Variants in FSTL3 observed in about 807,000 individuals in gnomAD.
FSTL3 encodes the protein follistatin-related protein 3.
FSTL3 carries 21 observed loss-of-function variants against 28.1 expected under a neutral mutation model. The ratio of observed to expected loss-of-function variants is 0.75; its 90% CI spans 0.53 to 1.08. FSTL3 has a LOEUF of 1.08. Ranked by LOEUF, FSTL3 falls within the 50% of genes least tolerant of loss-of-function variation. The pLI, the probability that FSTL3 is intolerant of heterozygous loss-of-function variation, is 0.00. For missense variants in FSTL3, 400 were observed against 380.9 expected (o/e 1.05, Z -0.42); for synonymous variants, 199 against 164.2 (o/e 1.21, Z -1.62).
intron 3 of FSTL3, chr19:681,008 T>G: frequency 2.8e-6 from 1 of 354,996 alleles, no homozygotes; most frequent in South Asian, 3.6e-5. Flanking sequence ...TGGGGCGTGG[T>G]TCCTGGGTGG....
At chr19:679,743 T>C (rs2031284506) in intron 2 of FSTL3, among the ~76,000 whole-genome samples, 1 of 152,032 alleles carries the variant, frequency 6.6e-6, no homozygotes, top group Non-Finnish European at 1.5e-5. Flanking sequence ...CCTAGGGCTG[T>C]GGGGGGCCCC....
rs779318728 is a variant in FSTL3 at position 677,895 on chromosome 19, C to T, written c.207C>T (p.Thr69=). 13 of 1,613,454 alleles carry T rather than the reference C, an allele frequency of 8.1e-6. No individual in the cohort carries two copies. Among genetic ancestry groups the T allele is most frequent in the East Asian group, 2.2e-5 (1 of 44,894 alleles). Residue 69 remains threonine, a synonymous_variant, in exon 2 of 5, where the codon ACC becomes ACT. Coordinates refer to ENST00000166139, the MANE Select transcript of FSTL3 (RefSeq NM_005860.3). Reference sequence around the variant, plus strand: ...GCTGTGCCTCCGGCAACATTGACACCGCCTGGTCCAACCTCACCCACCCGG... The same window carrying T: ...GCTGTGCCTCCGGCAACATTGACACTGCCTGGTCCAACCTCACCCACCCGG... ...AECCASGNID[T]AWSNLTHPGN...
chr19:677,703 A>G lies in FSTL3; in HGVS notation c.104-89A>G, dbSNP rs1450651459. On this transcript the variant is annotated intron_variant, in intron 1 of 4. Coordinates refer to ENST00000166139, the MANE Select transcript of FSTL3 (RefSeq NM_005860.3). The stretch of plus-strand genomic sequence containing the variant: ...GGGGTAGATCATTCCGTGCGTAACT[A>G]CTCAGCACCACCTGCATGCATCTGT... 5 of 1,272,706 alleles carry G rather than the reference A, an allele frequency of 3.9e-6. No individual in the cohort carries two copies. The Admixed American group carries it at 6.8e-5, about 17-fold the overall frequency. The allele number at this position is 1,272,706 out of a possible 1,614,324, so 78.8% of individuals were successfully genotyped here.
intron 2 of FSTL3, 56 bp downstream of exon 2, chr19:678,033 C>G: frequency 6.5e-7 from 1 of 1,537,372 alleles, no homozygotes; most frequent in Non-Finnish European, 8.9e-7. Flanking sequence ...CAGCCACAAA[C>G]AGTCATGGTG....
rs2031211020 is a variant in FSTL3 at position 676,481 on chromosome 19, G to A, written c.58G>A (p.Ala20Thr). The A allele has an allele frequency of 3.3e-6, 4 of 1,201,052 alleles. 1 individual carries two copies. Among genetic ancestry groups the A allele is most frequent in the Non-Finnish European group, 2.1e-6 (2 of 966,304 alleles). 74.4% of individuals were successfully genotyped at this position (1,201,052 alleles called of 1,614,324 possible). Residue 20 changes from alanine to threonine, a missense_variant, in exon 1 of 5, where the codon GCC becomes ACC. Coordinates refer to ENST00000166139, the MANE Select transcript of FSTL3 (RefSeq NM_005860.3). ...TCTGCCCTGGGGGGCCCTGGCTTGGGCCGTGGGCTTCGTGAGCTCCATGGG... is the reference window on the plus strand; with the variant it reads ...TCTGCCCTGGGGGGCCCTGGCTTGGACCGTGGGCTTCGTGAGCTCCATGGG... Reference protein sequence around the residue: ...WPLPWGALAWAVGFVSSMGSG... With the variant: ...WPLPWGALAWTVGFVSSMGSG...
At chr19:676,669 TGAA>T (rs2031217838) in intron 1 of FSTL3, 143 bp downstream of exon 1, 1 of 295,436 alleles carries the variant, frequency 3.4e-6, no homozygotes, top group Admixed American at 5.2e-5. Flanking sequence ...CGGGAAGGTC[TGAA>T]GGAGGGTCAC....
At chr19:676,992 C>T (rs2031226281) in intron 1 of FSTL3, among the ~76,000 whole-genome samples, 1 of 152,090 alleles carries the variant, frequency 6.6e-6, no homozygotes, top group Non-Finnish European at 1.5e-5. Context: ...CATGGAGTCT[C>T]ACACCTGGGA....
At chr19:677,600 G>A (rs960315806) in intron 1 of FSTL3, among the ~76,000 whole-genome samples, 192 bp from the exon 2 acceptor site, 1 of 152,020 alleles carries the variant, frequency 6.6e-6, no homozygotes, top group East Asian at 1.9e-4. Context: ...GTGGAGCTCA[G>A]AGGGGAGGAG....
Position 681,785 on chromosome 19 carries a change from A to C in FSTL3, c.*77A>C. On this transcript the variant is annotated 3_prime_UTR_variant, in exon 5 of 5. Transcript: ENST00000166139. Reference sequence around the variant, plus strand: ...TTATTTATTGCCACAGCAGAGTCTAATTTATATGCCACGGACACTCCTTAG... The same window carrying C: ...TTATTTATTGCCACAGCAGAGTCTACTTTATATGCCACGGACACTCCTTAG... 8.0e-7 allele frequency: 1 copy of C among 1,252,648 alleles called. No homozygotes were observed. Among genetic ancestry groups the C allele is most frequent in the East Asian group, 2.5e-5 (1 of 39,496 alleles). The allele number at this position is 1,252,648 out of a possible 1,614,324, so 77.6% of individuals were successfully genotyped here. A position where few individuals can be genotyped will look rare whatever the true frequency, so the allele number is the denominator to read the frequency against.
Position 677,860 on chromosome 19 carries a change from C to G in FSTL3, c.172C>G (p.Arg58Gly). The change falls in exon 2 of 5, where the codon CGG becomes GGG. Residue 58 changes from arginine (R) to glycine (G), a missense_variant. Physicochemically the swap from Arg to Gly is moderately radical, Grantham distance 125. Coordinates refer to ENST00000166139, the MANE Select transcript of FSTL3 (RefSeq NM_005860.3). ...CCTGGTGCTCCAGACTGATGTCACC[C>G]GGGCCGAGTGCTGTGCCTCCGGCAA... ...CSLVLQTDVT[R>G]AECCASGNID... 1 of 1,613,156 alleles carries G rather than the reference C, an allele frequency of 6.2e-7. No homozygotes were observed. Among genetic ancestry groups the G allele is most frequent in the East Asian group, 2.2e-5 (1 of 44,888 alleles).
Position 680,392 on chromosome 19 carries a change from C to A in FSTL3, c.408C>A (p.Gly136=). ...SGLPARLQVC[G]SDGATYRDEC... ...TCCCGGCGCGGCTGCAGGTCTGCGG[C>A]TCAGACGGCGCCACCTACCGCGACG... The change falls in exon 3 of 5, where the codon GGC becomes GGA. Residue 136 remains glycine, a synonymous_variant. Coordinates refer to ENST00000166139, the MANE Select transcript of FSTL3 (RefSeq NM_005860.3). 1 of 1,278,618 alleles carries A rather than the reference C, an allele frequency of 7.8e-7. No individual in the cohort carries two copies. 79.2% of individuals were successfully genotyped at this position (1,278,618 alleles called of 1,614,324 possible).
chr19:680,791 A>G (rs902494767), intron 3 of FSTL3: 2 of 298,254 alleles, frequency 6.7e-6, no homozygotes, highest in African/African-American at 2.2e-5. Flanking sequence ...GCGTCTTTAT[A>G]CTTCCGAGGG....
Position 677,978 on chromosome 19 carries a change from GT to G in FSTL3, c.289+2del. Reference sequence around the variant, plus strand: ...CTTGTCCACTGCCTTCCCTGCAAAGGTGAGACCTCAGGCCAGAAGCAGGGCA... The same window carrying G: ...CTTGTCCACTGCCTTCCCTGCAAAGGGAGACCTCAGGCCAGAAGCAGGGCA... On this transcript the variant is annotated splice_donor_variant, in intron 2 of 4. Coordinates refer to ENST00000166139, the MANE Select transcript of FSTL3 (RefSeq NM_005860.3). LOFTEE classifies it high-confidence loss of function. 6.2e-7 allele frequency: 1 copy of G among 1,612,448 alleles called. No individual in the cohort carries two copies. Among genetic ancestry groups the G allele is most frequent in the Non-Finnish European group, 8.5e-7 (1 of 1,179,578 alleles).
In FSTL3 at chr19:682,497, A is replaced by G; in HGVS notation, c.*789A>G. The G allele has an allele frequency of 4.3e-6, 1 of 233,878 alleles. No individual in the cohort carries two copies. Among genetic ancestry groups the G allele is most frequent in the Non-Finnish European group, 8.4e-6 (1 of 118,450 alleles). The allele number at this position is 233,878 out of a possible 1,614,324, so 14.5% of individuals were successfully genotyped here. A position where few individuals can be genotyped will look rare whatever the true frequency, so the allele number is the denominator to read the frequency against. On this transcript the variant is annotated 3_prime_UTR_variant, in exon 5 of 5. Coordinates refer to ENST00000166139, the MANE Select transcript of FSTL3 (RefSeq NM_005860.3). Reference sequence around the variant, plus strand: ...GCCCAGCAAGCCAGGCCCTTCATGAAGGCCAAGAAGGCTGCCACCATTCCC... The same window carrying G: ...GCCCAGCAAGCCAGGCCCTTCATGAGGGCCAAGAAGGCTGCCACCATTCCC...
rs368764119 is a variant in FSTL3 at position 681,583 on chromosome 19, C to G, written c.733+23C>G. On this transcript the variant is annotated intron_variant, in intron 4 of 4. Coordinates refer to ENST00000166139, the MANE Select transcript of FSTL3 (RefSeq NM_005860.3). ...CAGGTGCAGACGCAGGGCGGGGGCA[C>G]AGGCCTGTCCTGGGGGCCGGAGAAC... The G allele has an allele frequency of 1.5e-5, 24 of 1,598,988 alleles. No individual in the cohort carries two copies. In the African/African-American group the frequency reaches 2.9e-4, roughly 20 times the overall value.
chr19:677,149 G>A (rs115883910), intron 1 of FSTL3, among the ~76,000 whole-genome samples: 4,055 of 152,264 alleles, frequency 0.027, 179 homozygotes, highest in African/African-American at 0.091. Context: ...GGCTGTGGCC[G>A]TTCCTGCCCC....
In FSTL3 at chr19:677,793, T is replaced by C; in HGVS notation, c.105T>C (p.Gly35=). ...AGCACCCCGTTCCCCGGCCCGCAGGTGGTGTTTGCTGGCTCCAGCAGGGCC... is the reference window on the plus strand; with the variant it reads ...AGCACCCCGTTCCCCGGCCCGCAGGCGGTGTTTGCTGGCTCCAGCAGGGCC... The part of the protein sequence containing the change: ...SSMGSGNPAP[G]GVCWLQQGQE... The change falls in exon 2 of 5, where the codon GGT becomes GGC. Residue 35 remains glycine, a splice_region_variant and synonymous_variant. Coordinates refer to ENST00000166139, the MANE Select transcript of FSTL3 (RefSeq NM_005860.3). 1 of 1,607,502 alleles carries C rather than the reference T, an allele frequency of 6.2e-7. No individual in the cohort carries two copies.
intron 2 of FSTL3, among the ~76,000 whole-genome samples, chr19:678,511 T>G (rs1405810512): frequency 1.6e-5 from 2 of 122,868 alleles, no homozygotes; most frequent in African/African-American, 3.4e-5. Flanking sequence ...TTTTTTTTTT[T>G]TTTTTTTTTT....
In FSTL3 at chr19:683,205, C is replaced by T. The variant is rs539516218; in HGVS notation, c.*1497C>T. 2.1e-5 allele frequency: 5 copies of T among 232,704 alleles called. No homozygotes were observed. Among genetic ancestry groups the T allele is most frequent in the South Asian group, 1.8e-4 (1 of 5,532 alleles). The allele number at this position is 232,704 out of a possible 1,614,324, so 14.4% of individuals were successfully genotyped here. A position where few individuals can be genotyped will look rare whatever the true frequency, so the allele number is the denominator to read the frequency against. Reference sequence around the variant, plus strand: ...CAACACGGAGGATATCCAGCTTCCCCGGTCTGGGGTGAGGAATGTGGGGAG... The same window carrying T: ...CAACACGGAGGATATCCAGCTTCCCTGGTCTGGGGTGAGGAATGTGGGGAG... On this transcript the variant is annotated 3_prime_UTR_variant, in exon 5 of 5. Transcript: ENST00000166139.
Sources: allele counts gnomAD v4.1 joint callset (sites outside exome capture counted in the v4.1 genomes callset), GRCh38; gene constraint gnomAD v4.1.1; transcripts MANE v1.5; gene names NCBI Gene and HGNC (gene_info 2026-07-23, HGNC 2026-07-21).